The following RABGAP1L variants were observed in gnomAD, a reference collection of about 807,000 sequenced individuals.
RABGAP1L encodes the protein RAB GTPase activating protein 1 like, also known as rab GTPase-activating protein 1-like.
RABGAP1L carries 63 observed loss-of-function variants against 137.7 expected under a neutral mutation model. The ratio of observed to expected loss-of-function variants is 0.46; its 90% CI spans 0.37 to 0.56. RABGAP1L has a LOEUF of 0.56. RABGAP1L is among the 20% of genes least tolerant of loss of function. RABGAP1L has a pLI of 0.00. For synonymous variants in RABGAP1L, 431 were observed against 433.7 expected, an observed-to-expected ratio of 0.99 and a Z score of 0.08; for missense variants, 1,095 against 1,244.0, an observed-to-expected ratio of 0.88 and a Z score of 1.80.
intron 13 of RABGAP1L, among the ~76,000 whole-genome samples, chr1:174,511,769 T>G (rs1268961149): frequency 6.6e-6 from 1 of 151,980 alleles, no homozygotes; most frequent in African/African-American, 2.4e-5. Context: ...ATTACAGGCA[T>G]GCACCACCAC....
At chr1:174,530,835 A>ATACGTACG (rs10593203) in intron 13 of RABGAP1L, among the ~76,000 whole-genome samples, 2 of 126,374 alleles carry the variant, frequency 1.6e-5, no homozygotes, top group Non-Finnish European at 3.0e-5. Context: ...ACATACATAC[A>ATACGTACG]TACGTACGTT....
chr1:174,979,977 A>T (rs1252014775), intron 23 of RABGAP1L, among the ~76,000 whole-genome samples: 3 of 152,192 alleles, frequency 2.0e-5, no homozygotes, highest in Non-Finnish European at 2.9e-5. Context: ...CTTACTTTTT[A>T]AAAAAATGTG....
chr1:174,190,943 A>G (rs1667167802), intron 1 of RABGAP1L, among the ~76,000 whole-genome samples: 1 of 152,142 alleles, frequency 6.6e-6, no homozygotes, highest in African/African-American at 2.4e-5. Flanking sequence ...GCCCAAGGAG[A>G]GGGAAAGAGA....
At chr1:174,652,071 A>G (rs1675556607) in intron 14 of RABGAP1L, among the ~76,000 whole-genome samples, 2 of 152,104 alleles carry the variant, frequency 1.3e-5, no homozygotes, top group African/African-American at 2.4e-5. Flanking sequence ...TCTGTAAAGT[A>G]TTTTATTTCT....
At chr1:174,325,716 C>G (rs1056669383) in intron 11 of RABGAP1L, among the ~76,000 whole-genome samples, 2 of 152,212 alleles carry the variant, frequency 1.3e-5, no homozygotes, top group Non-Finnish European at 2.9e-5. Context: ...GGGAGCAACA[C>G]AAGTCCTGAT....
intron 17 of RABGAP1L, among the ~76,000 whole-genome samples, chr1:174,708,716 G>A (rs1192784016): frequency 6.6e-6 from 1 of 152,222 alleles, no homozygotes; most frequent in Non-Finnish European, 1.5e-5. Flanking sequence ...AAACTGGGCA[G>A]TCGTTTGGGC....
In RABGAP1L at chr1:174,250,609, A is replaced by G. The variant is rs1275103764; in HGVS notation, c.852A>G (p.Glu284=). 6.2e-7 allele frequency: 1 copy of G among 1,613,220 alleles called. No individual in the cohort carries two copies. The highest frequency in any genetic ancestry group is 8.5e-7 in the Non-Finnish European group (1 of 1,179,716). The change falls in exon 6 of 26, where the codon GAA becomes GAG. Residue 284 remains glutamate (E), a synonymous_variant. Coordinates refer to ENST00000681986, the MANE Select transcript of RABGAP1L (RefSeq NM_001366446.1). ...TCAGTGTCTCCTTGGAGGTAAAAGA[A>G]GACGATGGAAAAGGAAACTTTAGGT... ...FTFSVSLEVK[E]DDGKGNFSPV...
rs58163532 is a variant in RABGAP1L at position 174,307,548 on chromosome 1, C to T, written c.1465+2421C>T. On this transcript the variant is annotated intron_variant, in intron 11 of 25. Transcript: ENST00000681986. ...TTTGCATAATTCATATAAATGGAATCATACAAAATGTGACTTTTTGTGTCT... is the reference window on the plus strand; with the variant it reads ...TTTGCATAATTCATATAAATGGAATTATACAAAATGTGACTTTTTGTGTCT... Among the ~76,000 whole-genome samples, 875 of 152,272 alleles carry T rather than the reference C, an allele frequency of 5.7e-3. 8 individuals carry two copies. The highest frequency in any genetic ancestry group is 0.02 in the African/African-American group (835 of 41,570).
At chr1:174,862,976 C>A (rs1224696205) in intron 19 of RABGAP1L, among the ~76,000 whole-genome samples, 1 of 151,610 alleles carries the variant, frequency 6.6e-6, no homozygotes, top group Non-Finnish European at 1.5e-5. Context: ...CTCACTGCAA[C>A]CTCTGCCACC....
At chr1:174,876,943 C>A (rs1653212389) in intron 19 of RABGAP1L, among the ~76,000 whole-genome samples, 1 of 151,300 alleles carries the variant, frequency 6.6e-6, no homozygotes, top group Admixed American at 6.6e-5. Flanking sequence ...TCTTTAAATT[C>A]TGAGAAATTA....
intron 20 of RABGAP1L, among the ~76,000 whole-genome samples, chr1:174,967,633 C>A (rs975646034): frequency 6.6e-6 from 1 of 151,902 alleles, no homozygotes; most frequent in Non-Finnish European, 1.5e-5. Context: ...GCCACTGTGC[C>A]CAGCTGTACC....
chr1:174,702,054 A>G (rs1679705398), intron 16 of RABGAP1L, 59 bp from the exon 17 acceptor site: 1 of 1,514,664 alleles, frequency 6.6e-7, no homozygotes, highest in Non-Finnish European at 9.0e-7. Context: ...TGTGGCAGGA[A>G]CTTCATTGTT....
intron 23 of RABGAP1L, among the ~76,000 whole-genome samples, chr1:174,980,476 G>A (rs1180098259): frequency 6.6e-6 from 1 of 152,168 alleles, no homozygotes; most frequent in Non-Finnish European, 1.5e-5. Context: ...AACCTTTTGA[G>A]CTGTGCTTCA....
In RABGAP1L at chr1:174,909,742, G is replaced by C. The variant is rs1360068757; in HGVS notation, c.2341-47715G>C. Among the ~76,000 whole-genome samples the C allele has an allele frequency of 2.0e-5, 3 of 152,314 alleles. No homozygotes were observed. In the East Asian group the frequency reaches 5.8e-4, roughly 29 times the overall value. ...GAAATACAAAGCATCGTTAGAGACTGTTATGAACAACCTGGAAAACCTAGA... is the reference window on the plus strand; with the variant it reads ...GAAATACAAAGCATCGTTAGAGACTCTTATGAACAACCTGGAAAACCTAGA... On this transcript the variant is annotated intron_variant, in intron 19 of 25. Transcript: ENST00000681986.
chr1:174,370,963 T>C lies in RABGAP1L; in HGVS notation c.1466-16T>C. On this transcript the variant is annotated splice_polypyrimidine_tract_variant and intron_variant, in intron 11 of 25. Coordinates refer to ENST00000681986, the MANE Select transcript of RABGAP1L (RefSeq NM_001366446.1). ...ATATAAAATAATGTTTGTTGGTTTT[T>C]GCGTTTCTTCTGCAGAGAGTGATAA... The C allele has an allele frequency of 7.3e-7, 1 of 1,375,546 alleles. No individual in the cohort carries two copies. The highest frequency in any genetic ancestry group is 9.9e-7 in the Non-Finnish European group (1 of 1,010,048). 85.2% of individuals were successfully genotyped at this position (1,375,546 alleles called of 1,614,324 possible). A position where few individuals can be genotyped will look rare whatever the true frequency, so the allele number is the denominator to read the frequency against.
chr1:174,280,448 T>C (rs1351215111), intron 10 of RABGAP1L, among the ~76,000 whole-genome samples: 1 of 152,220 alleles, frequency 6.6e-6, no homozygotes, highest in East Asian at 1.9e-4. Flanking sequence ...TTGAACTTAT[T>C]GAATGAAACC....
chr1:174,506,468 A>C (rs1171224326), intron 13 of RABGAP1L, among the ~76,000 whole-genome samples: 6 of 152,204 alleles, frequency 3.9e-5, no homozygotes, highest in Non-Finnish European at 1.5e-5. Flanking sequence ...ATTTAGAAAT[A>C]TATATGTAAA....
intron 13 of RABGAP1L, among the ~76,000 whole-genome samples, chr1:174,626,568 G>A (rs568103958): frequency 1.3e-5 from 2 of 152,234 alleles, no homozygotes; most frequent in East Asian, 1.9e-4. Flanking sequence ...GTGTTTGGCA[G>A]CATTTGTGTG....
chr1:174,496,060 A>G (rs560825685), intron 13 of RABGAP1L, among the ~76,000 whole-genome samples: 5 of 152,094 alleles, frequency 3.3e-5, no homozygotes, highest in African/African-American at 7.2e-5. Flanking sequence ...TTTTTTTTCT[A>G]TGTCAAACTG....
Sources: gnomAD v4.1 joint callset for allele counts (sites outside exome capture counted in the v4.1 genomes callset) on GRCh38, gnomAD v4.1.1 for gene constraint, MANE v1.5 for transcripts, NCBI Gene and HGNC (gene_info 2026-07-23, HGNC 2026-07-21) for gene names.